COL21A1: variants seen among roughly 807,000 people sequenced by gnomAD.
COL21A1 encodes collagen type XXI alpha 1 chain.
Under a neutral mutation model 137.9 loss-of-function variants are expected in COL21A1, and 149 were observed. The ratio of observed to expected loss-of-function variants is 1.08; its 90% CI spans 0.95 to 1.24. The LOEUF is 1.24. COL21A1 is among the 50% of genes most tolerant of loss of function. The probability of loss-of-function intolerance (pLI) is 0.00; values close to 1 mark genes in which losing one functional copy is unlikely to be tolerated. For synonymous variants in COL21A1, 456 were observed against 391.5 expected, an observed-to-expected ratio of 1.16 and a Z score of -1.95; for missense variants, 1,167 against 1,158.4, an observed-to-expected ratio of 1.01 and a Z score of -0.11.
In COL21A1 at chr6:56,141,776, T is replaced by G; in HGVS notation, c.1542+9A>C. ...TAACACCATTGATTGCATTTTTGTG[T>G]GTGTTTACCTTGTCACCATCTCGCC... On this transcript the variant is annotated intron_variant, in intron 12 of 29. Coordinates refer to ENST00000244728, the MANE Select transcript of COL21A1 (RefSeq NM_030820.4). The G allele has an allele frequency of 1.2e-6, 2 of 1,613,512 alleles. No homozygotes were observed. Among genetic ancestry groups the G allele is most frequent in the Non-Finnish European group, 1.7e-6 (2 of 1,179,536 alleles).
chr6:56,210,014 A>C (rs1436142239), intron 1 of COL21A1, among the ~76,000 whole-genome samples: 1 of 152,012 alleles, frequency 6.6e-6, no homozygotes, highest in East Asian at 1.9e-4. Context: ...TTCTCAGCAA[A>C]CCAAACACCA....
At chr6:56,322,909 C>T (rs1482112102) in intron 1 of COL21A1, among the ~76,000 whole-genome samples, 1 of 134,796 alleles carries the variant, frequency 7.4e-6, no homozygotes, top group Non-Finnish European at 1.6e-5. Flanking sequence ...AAAGTCAAGT[C>T]ATCAAAGAAT....
intron 17 of COL21A1, among the ~76,000 whole-genome samples, chr6:56,098,042 AATATATATAAATAT>A (rs1769690244): frequency 1.9e-5 from 1 of 52,874 alleles, no homozygotes; most frequent in Non-Finnish European, 3.0e-5. Context: ...TAAATATATA[AATATATATAAATAT>A]ATATAAATAT....
chr6:56,376,035 G>A (rs1178459550), intron 1 of COL21A1, among the ~76,000 whole-genome samples: 3 of 152,168 alleles, frequency 2.0e-5, no homozygotes, highest in Non-Finnish European at 2.9e-5. Flanking sequence ...GGTAGCTGAC[G>A]TATTCTCCAG....
intron 1 of COL21A1, among the ~76,000 whole-genome samples, chr6:56,280,750 C>T (rs1224668616): frequency 6.6e-6 from 1 of 152,126 alleles, no homozygotes; most frequent in Non-Finnish European, 1.5e-5. Flanking sequence ...CAGTGGCTCA[C>T]GACTATAATC....
chr6:56,350,216 T>A (rs1334992845), intron 1 of COL21A1, among the ~76,000 whole-genome samples: 1 of 152,154 alleles, frequency 6.6e-6, no homozygotes, highest in Non-Finnish European at 1.5e-5. Context: ...CAGGGGCAAG[T>A]GTACTCAAGG....
At chr6:56,306,827 C>T (rs909807090) in intron 1 of COL21A1, among the ~76,000 whole-genome samples, 3 of 151,966 alleles carry the variant, frequency 2.0e-5, no homozygotes, top group African/African-American at 4.8e-5. Flanking sequence ...AGTTTTTCTG[C>T]TCTGTTTTTT....
At chr6:56,161,924 A>G (rs1199607237) in intron 9 of COL21A1, among the ~76,000 whole-genome samples, 4 of 152,130 alleles carry the variant, frequency 2.6e-5, no homozygotes, top group South Asian at 2.1e-4. Context: ...TCGACCCCGC[A>G]CTCATCTCCT....
intron 22 of COL21A1, among the ~76,000 whole-genome samples, chr6:56,067,834 T>A (rs1231706203): frequency 6.6e-6 from 1 of 151,652 alleles, no homozygotes; most frequent in African/African-American, 2.4e-5. Flanking sequence ...GTTTTATAGA[T>A]TATCAGCTAG....
chr6:56,102,228 A>G (rs1770523823), intron 16 of COL21A1, among the ~76,000 whole-genome samples: 1 of 152,190 alleles, frequency 6.6e-6, no homozygotes, highest in South Asian at 2.1e-4. Flanking sequence ...TTAGCTGAAT[A>G]TAATCCTAAA....
chr6:56,320,414 T>A (rs765570971), intron 1 of COL21A1, among the ~76,000 whole-genome samples: 4 of 151,984 alleles, frequency 2.6e-5, no homozygotes, highest in African/African-American at 4.8e-5. Context: ...TATTTTAAAG[T>A]AAGACCAGGC....
At chr6:56,193,941 G>C (rs1476583218) in intron 1 of COL21A1, among the ~76,000 whole-genome samples, 1 of 151,994 alleles carries the variant, frequency 6.6e-6, no homozygotes, top group East Asian at 1.9e-4. Context: ...TTTTAGTAGA[G>C]ACTGGGTTTC....
At chr6:56,067,456 C>A in intron 22 of COL21A1, 126 bp from the exon 23 acceptor site, 1 of 651,690 alleles carries the variant, frequency 1.5e-6, no homozygotes, top group Non-Finnish European at 2.6e-6. Flanking sequence ...CCTGTATACA[C>A]AGAAGTTGAC....
rs1764082941 is a variant in COL21A1, at chr6:56,292,793, T to G, written c.-39+101178A>C. Among the ~76,000 whole-genome samples the G allele has an allele frequency of 1.3e-5, 2 of 152,218 alleles. 1 individual carries two copies. The highest frequency in any genetic ancestry group is 4.1e-4 in the South Asian group (2 of 4,832). On this transcript the variant is annotated intron_variant, in intron 1 of 28. Transcript: ENST00000370819. Reference sequence around the variant, plus strand: ...TTCCTGGTATGCTTCTGCCACCCAGTGGAGGATCTCTAACTCAAGCTTAGA... The same window carrying G: ...TTCCTGGTATGCTTCTGCCACCCAGGGGAGGATCTCTAACTCAAGCTTAGA...
At chr6:56,258,710 C>T (rs1449310567) in intron 1 of COL21A1, among the ~76,000 whole-genome samples, 5 of 152,138 alleles carry the variant, frequency 3.3e-5, no homozygotes, top group Admixed American at 1.3e-4. Flanking sequence ...GATAATGGCT[C>T]ACATTGTAGG....
At chr6:56,350,930 A>G (rs1765699049) in intron 1 of COL21A1, among the ~76,000 whole-genome samples, 1 of 152,258 alleles carries the variant, frequency 6.6e-6, no homozygotes, top group Admixed American at 6.5e-5. Context: ...ACATTAGCTT[A>G]TTGCTGAATA....
At chr6:56,245,316 G>A (rs1782574283) in intron 1 of COL21A1, among the ~76,000 whole-genome samples, 1 of 152,166 alleles carries the variant, frequency 6.6e-6, no homozygotes, top group East Asian at 1.9e-4. Context: ...CTTCACCACA[G>A]TGACTTAAAA....
At chr6:56,114,285 C>T (rs1356796798) in intron 16 of COL21A1, among the ~76,000 whole-genome samples, 1 of 152,220 alleles carries the variant, frequency 6.6e-6, no homozygotes, top group Non-Finnish European at 1.5e-5. Context: ...GGCTTCAGAT[C>T]TGACCCAGAG....
At chr6:56,332,413 T>C (rs1023024625) in intron 1 of COL21A1, among the ~76,000 whole-genome samples, 5 of 152,020 alleles carry the variant, frequency 3.3e-5, no homozygotes, top group South Asian at 2.1e-4. Flanking sequence ...CAGAAGAATA[T>C]TCAGAAGTGC....
Sources: allele counts gnomAD v4.1 joint callset (sites outside exome capture counted in the v4.1 genomes callset), GRCh38; gene constraint gnomAD v4.1.1; transcripts MANE v1.5; gene names NCBI Gene and HGNC (gene_info 2026-07-23, HGNC 2026-07-21).